The following MDGA2 variants were observed in gnomAD, a reference collection of about 807,000 sequenced individuals.
The protein encoded by MDGA2 is MAM domain containing glycosylphosphatidylinositol anchor 2.
A neutral mutation model predicts 117.8 loss-of-function variants in MDGA2; 40 were observed. That is an observed-to-expected ratio of 0.34 (90% CI 0.26 to 0.44). The LOEUF (loss-of-function observed/expected upper bound fraction) is 0.44. Among genes scored for constraint, MDGA2 ranks in the 20% least tolerant of loss-of-function variants. The pLI is 1.00. For synonymous variants in MDGA2, 452 were observed against 439.0 expected, an observed-to-expected ratio of 1.03 and a Z score of -0.37; for missense variants, 1,123 against 1,250.6, an observed-to-expected ratio of 0.90 and a Z score of 1.54.
intron 2 of MDGA2, among the ~76,000 whole-genome samples, chr14:47,273,415 C>T (rs1269433044): frequency 6.6e-6 from 1 of 152,114 alleles, no homozygotes; most frequent in Non-Finnish European, 1.5e-5. Flanking sequence ...TCAGAGCAAA[C>T]TCACAATGTT....
At chr14:46,854,266 A>G (rs762391993) in intron 15 of MDGA2, among the ~76,000 whole-genome samples, 3 of 151,752 alleles carry the variant, frequency 2.0e-5, no homozygotes, top group Admixed American at 1.3e-4. Context: ...GAAATAAAGC[A>G]TAGAGCTGTA....
At chr14:46,848,321 C>G (rs989288600) in intron 15 of MDGA2, among the ~76,000 whole-genome samples, 11 of 151,880 alleles carry the variant, frequency 7.2e-5, no homozygotes, top group African/African-American at 2.7e-4. Flanking sequence ...TTTTCTTATT[C>G]AAAGTACACA....
intron 5 of MDGA2, among the ~76,000 whole-genome samples, chr14:47,116,089 AC>A (rs1280073765): frequency 6.6e-6 from 1 of 152,122 alleles, no homozygotes; most frequent in Non-Finnish European, 1.5e-5. Context: ...AAATAAATGT[AC>A]AAAAACCAGT....
chr14:47,329,223 T>G (rs1004889297), intron 1 of MDGA2, among the ~76,000 whole-genome samples: 2 of 152,070 alleles, frequency 1.3e-5, no homozygotes, highest in Non-Finnish European at 2.9e-5. Context: ...TGAGCCATCA[T>G]GCTCAGCCCG....
chr14:47,225,205 C>T (rs985476974), intron 2 of MDGA2, among the ~76,000 whole-genome samples: 1 of 152,012 alleles, frequency 6.6e-6, no homozygotes, highest in Admixed American at 6.6e-5. Context: ...CACTTTTACA[C>T]TGTTGGTGGG....
chr14:47,162,241 G>A (rs560685771), intron 3 of MDGA2, among the ~76,000 whole-genome samples: 12 of 151,830 alleles, frequency 7.9e-5, no homozygotes, highest in Admixed American at 2.0e-4. Context: ...CACCGAGCCC[G>A]GCCAACCCAC....
intron 1 of MDGA2, among the ~76,000 whole-genome samples, chr14:47,663,926 T>C (rs889313961): frequency 6.6e-6 from 1 of 152,126 alleles, no homozygotes; most frequent in East Asian, 1.9e-4. Context: ...ATACTCTTAC[T>C]CCTTGATTCA....
intron 1 of MDGA2, among the ~76,000 whole-genome samples, chr14:47,447,637 G>C (rs1479724829): frequency 6.6e-6 from 1 of 152,120 alleles, no homozygotes; most frequent in Non-Finnish European, 1.5e-5. Flanking sequence ...CCTCCGGACA[G>C]CAGTCCTAGC....
At chr14:47,323,149 GATATATATATATATATATATAT>G (rs58765297) in intron 1 of MDGA2, among the ~76,000 whole-genome samples, 56 of 107,700 alleles carry the variant, frequency 5.2e-4, no homozygotes, top group East Asian at 2.7e-3. Context: ...AAGAGTCATG[GATATATATATATATATATATAT>G]ATATATATAT....
chr14:47,528,959 A>G (rs1210804701), intron 1 of MDGA2, among the ~76,000 whole-genome samples: 1 of 151,564 alleles, frequency 6.6e-6, no homozygotes, highest in Non-Finnish European at 1.5e-5. Flanking sequence ...AGGGACATAG[A>G]TCATTACCTC....
intron 2 of MDGA2, among the ~76,000 whole-genome samples, chr14:47,229,117 T>C (rs1179603213): frequency 6.6e-6 from 1 of 152,160 alleles, no homozygotes; most frequent in African/African-American, 2.4e-5. Flanking sequence ...CAAACAGGTA[T>C]GGTATTTTCA....
intron 9 of MDGA2, among the ~76,000 whole-genome samples, chr14:46,935,794 G>C (rs1884756747): frequency 6.6e-6 from 1 of 152,106 alleles, no homozygotes; most frequent in African/African-American, 2.4e-5. Context: ...ACTTCCTTGA[G>C]TGTGGAATGC....
chr14:47,519,481 T>C (rs544865064), intron 1 of MDGA2, among the ~76,000 whole-genome samples: 1 of 152,186 alleles, frequency 6.6e-6, no homozygotes, highest in Non-Finnish European at 1.5e-5. Flanking sequence ...TCAATTACAT[T>C]GTTACTCTAT....
chr14:47,036,749 A>ATT (rs1395395819), intron 7 of MDGA2, among the ~76,000 whole-genome samples: 8 of 152,360 alleles, frequency 5.3e-5, no homozygotes, highest in South Asian at 4.1e-4. Context: ...TATGTTTAAA[A>ATT]TTATTTTTCA....
At chr14:47,153,203 G>T (rs1426515740) in intron 3 of MDGA2, among the ~76,000 whole-genome samples, 1 of 152,128 alleles carries the variant, frequency 6.6e-6, no homozygotes, top group Non-Finnish European at 1.5e-5. Context: ...TTTGGGGGTG[G>T]CAAAAAGAGT....
At chr14:47,604,947 A>G (rs1896714903) in intron 1 of MDGA2, among the ~76,000 whole-genome samples, 1 of 152,190 alleles carries the variant, frequency 6.6e-6, no homozygotes, top group Non-Finnish European at 1.5e-5. Flanking sequence ...CAAGACCAGC[A>G]GAAGAACCAC....
At chr14:47,005,048 G>T (rs918045984) in intron 8 of MDGA2, among the ~76,000 whole-genome samples, 3 of 151,500 alleles carry the variant, frequency 2.0e-5, no homozygotes, top group Admixed American at 6.6e-5. Flanking sequence ...GATCATCTGT[G>T]AATAAAGACA....
chr14:47,006,234 G>T (rs1467491019), intron 8 of MDGA2, among the ~76,000 whole-genome samples: 1 of 151,100 alleles, frequency 6.6e-6, no homozygotes, highest in Non-Finnish European at 1.5e-5. Flanking sequence ...GTATCTTTCA[G>T]CTGTCAAGAT....
chr14:46,873,322 T>A, intron 14 of MDGA2, 111 bp downstream of exon 14: 1 of 931,952 alleles, frequency 1.1e-6, no homozygotes, highest in East Asian at 2.9e-5. Context: ...ATTTAAAAAG[T>A]GAATTATAGC....
Sources: allele counts gnomAD v4.1 joint callset (sites outside exome capture counted in the v4.1 genomes callset), GRCh38; gene constraint gnomAD v4.1.1; transcripts MANE v1.5; gene names NCBI Gene and HGNC (gene_info 2026-07-23, HGNC 2026-07-21).